RFPL1: variants seen among roughly 807,000 people sequenced by gnomAD.
RFPL1 encodes ret finger protein like 1, also known as ret finger protein-like 1.
A neutral mutation model predicts 9.6 loss-of-function variants in RFPL1; 6 were observed. That is an observed-to-expected ratio of 0.62 (90% CI 0.34 to 1.23). The LOEUF is 1.23. Among genes scored for constraint, RFPL1 ranks in the 50% most tolerant of loss-of-function variants. RFPL1 has a pLI of 0.03. For synonymous variants in RFPL1, 145 were observed against 149.4 expected, an observed-to-expected ratio of 0.97 and a Z score of 0.22; for missense variants, 352 against 398.4, an observed-to-expected ratio of 0.88 and a Z score of 0.99.
chr22:29,428,364 A>C, the RFPL1 span, among the ~76,000 whole-genome samples: 8 of 152,396 alleles, frequency 5.2e-5, no homozygotes, highest in South Asian at 1.5e-3. Context: ...AGATATAGAA[A>C]GTAAATATTA....
chr22:29,433,128 T>C, the RFPL1 span: 1 of 151,694 alleles, frequency 6.6e-6, no homozygotes, highest in East Asian at 1.9e-4. Flanking sequence ...CCCCGTCTCT[T>C]CTAAAAATAC....
chr22:29,414,642 G>C, the RFPL1 span, among the ~76,000 whole-genome samples: 5 of 151,918 alleles, frequency 3.3e-5, no homozygotes, highest in Non-Finnish European at 7.4e-5. Flanking sequence ...ATCCTGTCCT[G>C]AAGGTAGTTC....
At chr22:29,424,836 C>CCG in the RFPL1 span, among the ~76,000 whole-genome samples, 14 of 103,018 alleles carry the variant, frequency 1.4e-4, no homozygotes, top group African/African-American at 4.6e-4. Context: ...CCCTCCCACC[C>CCG]CCCCCCCCGC....
chr22:29,404,491 T>A, the RFPL1 span, among the ~76,000 whole-genome samples: 1 of 152,104 alleles, frequency 6.6e-6, no homozygotes, highest in Non-Finnish European at 1.5e-5. Flanking sequence ...AGAAGGCTGG[T>A]TCTAATAAGT....
the RFPL1 span, among the ~76,000 whole-genome samples, chr22:29,429,466 A>C: frequency 6.6e-6 from 1 of 152,232 alleles, no homozygotes; most frequent in African/African-American, 2.4e-5. Context: ...TCAGAAATGA[A>C]AAAGGAGACA....
At chr22:29,425,363 C>A in the RFPL1 span, among the ~76,000 whole-genome samples, 2 of 152,180 alleles carry the variant, frequency 1.3e-5, no homozygotes, top group South Asian at 4.1e-4. Context: ...GCAGGGAACA[C>A]AGAAGCAGAG....
chr22:29,432,439 G>A, the RFPL1 span, among the ~76,000 whole-genome samples: 14 of 152,214 alleles, frequency 9.2e-5, no homozygotes, highest in African/African-American at 1.9e-4. Context: ...ACTTCTGTAA[G>A]ATTGCTTCAG....
the RFPL1 span, among the ~76,000 whole-genome samples, chr22:29,399,965 G>C: frequency 1.3e-5 from 2 of 150,746 alleles, no homozygotes; most frequent in Non-Finnish European, 3.0e-5. Flanking sequence ...ATTATTTGGG[G>C]ATTGTAAGGT....
chr22:29,415,802 C>T, the RFPL1 span, among the ~76,000 whole-genome samples: 4,226 of 152,278 alleles, frequency 0.028, 87 homozygotes, highest in Non-Finnish European at 0.043. Context: ...GCATGGGGTA[C>T]GTGACTAGGT....
the RFPL1 span, among the ~76,000 whole-genome samples, chr22:29,419,587 G>A: frequency 3.9e-5 from 6 of 151,998 alleles, no homozygotes; most frequent in Admixed American, 6.5e-5. Context: ...GGCAGATCAC[G>A]AGGCCAGGAG....
the RFPL1 span, among the ~76,000 whole-genome samples, chr22:29,414,954 G>A: frequency 6.6e-6 from 1 of 152,082 alleles, no homozygotes; most frequent in Non-Finnish European, 1.5e-5. Flanking sequence ...TGGGCCATCC[G>A]TGGGTTAGTG....
chr22:29,420,944 C>G, the RFPL1 span, among the ~76,000 whole-genome samples: 1 of 152,106 alleles, frequency 6.6e-6, no homozygotes, highest in African/African-American at 2.4e-5. Context: ...CCCAGCCCCC[C>G]TGAGCCCTTC....
At chr22:29,395,170 G>A in the RFPL1 span, among the ~76,000 whole-genome samples, 4 of 152,054 alleles carry the variant, frequency 2.6e-5, no homozygotes, top group African/African-American at 4.8e-5. Context: ...GCCACTAACC[G>A]CCACCGTTCC....
chr22:29,409,356 A>T, the RFPL1 span, among the ~76,000 whole-genome samples: 1 of 152,120 alleles, frequency 6.6e-6, no homozygotes, highest in Non-Finnish European at 1.5e-5. Flanking sequence ...TTTCGCATTG[A>T]TGAAGTTGCT....
the RFPL1 span, among the ~76,000 whole-genome samples, chr22:29,425,117 T>C: frequency 0.07 from 10,203 of 145,836 alleles, 720 homozygotes; most frequent in East Asian, 0.2. Flanking sequence ...GGCAGGAGAA[T>C]GGCGTGGACC....
At chr22:29,422,010 T>G in the RFPL1 span, among the ~76,000 whole-genome samples, 3 of 152,096 alleles carry the variant, frequency 2.0e-5, no homozygotes, top group African/African-American at 4.8e-5. Flanking sequence ...TTTCATCTGG[T>G]CGGCAGGCAT....
chr22:29,424,827 C>T, the RFPL1 span, among the ~76,000 whole-genome samples: 1 of 88,692 alleles, frequency 1.1e-5, no homozygotes, highest in African/African-American at 4.4e-5. Context: ...TCTCCCTGTC[C>T]CTCCCACCCC....
At chr22:29,400,829 T>G in the RFPL1 span, among the ~76,000 whole-genome samples, 3 of 152,256 alleles carry the variant, frequency 2.0e-5, no homozygotes, top group Non-Finnish European at 4.4e-5. Context: ...GTGGCTTTTC[T>G]GCCTTCTTGG....
At chr22:29,418,731 C>T in the RFPL1 span, among the ~76,000 whole-genome samples, 961 of 152,182 alleles carry the variant, frequency 6.3e-3, 14 homozygotes, top group African/African-American at 0.022. Flanking sequence ...AACTCCTGAC[C>T]TCGAGATCCG....
Sources: gnomAD v4.1 joint callset for allele counts (sites outside exome capture counted in the v4.1 genomes callset) on GRCh38, gnomAD v4.1.1 for gene constraint, MANE v1.5 for transcripts, NCBI Gene and HGNC (gene_info 2026-07-23, HGNC 2026-07-21) for gene names.